The following C6orf136 variants were observed in gnomAD, a reference collection of about 807,000 sequenced individuals.
The protein encoded by C6orf136 is chromosome 6 open reading frame 136.
A neutral mutation model predicts 44.0 loss-of-function variants in C6orf136; 29 were observed. That is an observed-to-expected ratio of 0.66 (90% CI 0.49 to 0.90). The LOEUF is 0.90. Among genes scored for constraint, C6orf136 ranks in the 40% least tolerant of loss-of-function variants. C6orf136 has a pLI of 0.00. For missense variants in C6orf136, 628 were observed against 669.3 expected (o/e 0.94, Z 0.68); for synonymous variants, 293 against 278.6 (o/e 1.05, Z -0.52).
chr6:30,650,911 CAA>C (rs367794901), intron 2 of C6orf136, 81 bp from the exon 3 acceptor site: 2,985 of 909,628 alleles, frequency 3.3e-3, no homozygotes, highest in Non-Finnish European at 3.6e-3. Context: ...GACTCCGTCT[CAA>C]AAAAAAAAAA....
Position 30,651,374 on chromosome 6 carries a change from C to T in C6orf136, c.1215C>T (p.Asn405=). 3 of 1,613,892 alleles carry T rather than the reference C, an allele frequency of 1.9e-6. No individual in the cohort carries two copies. Among genetic ancestry groups the T allele is most frequent in the South Asian group, 1.1e-5 (1 of 91,082 alleles). ...EVLQLTRHPE[N]WTLQARWRLV... is the part of the protein sequence containing the mutation. ...TACAGCTGACCCGCCACCCTGAGAA[C>T]TGGACCCTGCAAGCCCGGTGGCGGC... The change falls in exon 4 of 6, where the codon AAC becomes AAT. Residue 405 remains asparagine, a synonymous_variant. Transcript: ENST00000651131.
intron 1 of C6orf136, among the ~76,000 whole-genome samples, chr6:30,648,286 A>G (rs955327485): frequency 1.3e-5 from 2 of 152,196 alleles, no homozygotes; most frequent in African/African-American, 4.8e-5. Context: ...GGAGATGTAC[A>G]GGCCACAGCA....
chr6:30,650,656 GCCTGTAATC>G (rs1436960108), intron 2 of C6orf136, among the ~76,000 whole-genome samples: 6 of 152,092 alleles, frequency 3.9e-5, no homozygotes, highest in Non-Finnish European at 8.8e-5. Context: ...GGTGGTGGGT[GCCTGTAATC>G]CCAGCTACTC....
chr6:30,652,786 AC>A lies in C6orf136; in HGVS notation c.1378-14del. On this transcript the variant is annotated splice_polypyrimidine_tract_variant and intron_variant, in intron 5 of 5. Coordinates refer to ENST00000651131, the MANE Select transcript of C6orf136 (RefSeq NM_001161376.2). The stretch of plus-strand genomic sequence containing the variant: ...TGTGTGCCTCCCCCAACTGGCATTA[AC>A]CTTTCTCCCTGCAGCTGATGCCTTC... The A allele has an allele frequency of 6.2e-7, 1 of 1,612,582 alleles. No individual in the cohort carries two copies. Among genetic ancestry groups the A allele is most frequent in the Non-Finnish European group, 8.5e-7 (1 of 1,179,658 alleles).
Position 30,649,903 on chromosome 6 carries a change from G to A in C6orf136, c.961G>A (p.Gly321Arg), listed in dbSNP as rs139688069. 78 of 1,613,960 alleles carry A rather than the reference G, an allele frequency of 4.8e-5. No homozygotes were observed. In the African/African-American group the frequency reaches 9.5e-4, roughly 20 times the overall value. The change falls in exon 2 of 6, where the codon GGA becomes AGA. Residue 321 changes from glycine to arginine, a missense_variant. Around this residue, in one of 2 missense-constraint regions of C6orf136, gnomAD observed 497 missense variants for 469.2 expected, o/e 1.06. Coordinates refer to ENST00000651131, the MANE Select transcript of C6orf136 (RefSeq NM_001161376.2). ...CCACCCTTCCCCTGCCACCCCGTCAGGAGATCCTAGTATGGAGGAACATCT... is the reference window on the plus strand; with the variant it reads ...CCACCCTTCCCCTGCCACCCCGTCAAGAGATCCTAGTATGGAGGAACATCT... Reference protein sequence around the residue: ...TAHPSPATPSGDPSMEEHLSV... With the variant: ...TAHPSPATPSRDPSMEEHLSV...
chr6:30,647,487 C>G lies in C6orf136; in HGVS notation c.256C>G (p.Arg86Gly). Residue 86 changes from arginine to glycine, a missense_variant, in exon 1 of 6, where the codon CGG becomes GGG. This residue lies in a region of C6orf136 where 497 missense variants were observed against 469.2 expected (regional missense o/e 1.06). Coordinates refer to ENST00000651131, the MANE Select transcript of C6orf136 (RefSeq NM_001161376.2). This position sits in a 1 kb window ranked among gnomAD's most constrained non-coding sequence, Gnocchi z 4.8. ...CGCGGGAGCGGGAGGGAGGCGCTGC[C>G]GGGCCTGTCGCGCAAGGACGTCGGT... is the stretch of plus-strand genomic sequence containing the variant. ...GVAGAGGRRC[R>G]ACRARTSVLP... The G allele has an allele frequency of 6.7e-7, 1 of 1,490,996 alleles. No homozygotes were observed. The highest frequency in any genetic ancestry group is 9.0e-7 in the Non-Finnish European group (1 of 1,113,860). 92.4% of individuals were successfully genotyped at this position (1,490,996 alleles called of 1,614,324 possible).
Position 30,652,700 on chromosome 6 carries a change from C to T in C6orf136, c.1360C>T (p.Arg454Cys), listed in dbSNP as rs773409864. The change falls in exon 5 of 6, where the codon CGC (arginine) becomes TGC (cysteine). Residue 454 changes from arginine to cysteine, a missense_variant. Physicochemically the swap from Arg to Cys is radical, Grantham distance 180 (BLOSUM62 -3). Transcript: ENST00000651131. The part of the protein sequence containing the change: ...FYLNSSGLIC[R>C]HRLDKLMPSH... Reference sequence around the variant, plus strand: ...CCTGAATTCCAGTGGCCTCATTTGTCGCCATCGTCTAGATAAAGTGAGTCC... The same window carrying T: ...CCTGAATTCCAGTGGCCTCATTTGTTGCCATCGTCTAGATAAAGTGAGTCC... 10 of 1,612,888 alleles carry T rather than the reference C, an allele frequency of 6.2e-6. No homozygotes were observed. The highest frequency in any genetic ancestry group is 1.3e-5 in the African/African-American group (1 of 74,894).
intron 2 of C6orf136, among the ~76,000 whole-genome samples, chr6:30,650,309 G>A (rs192261512): frequency 2.9e-4 from 44 of 150,894 alleles, no homozygotes; most frequent in African/African-American, 9.5e-4. Flanking sequence ...CAGGAGAATC[G>A]CTTGAACCCA....
Position 30,647,144 on chromosome 6 carries a change from T to A in C6orf136, c.-88T>A. On this transcript the variant is annotated 5_prime_UTR_variant, in exon 1 of 6. Coordinates refer to ENST00000651131, the MANE Select transcript of C6orf136 (RefSeq NM_001161376.2). The surrounding 1 kb of genome is among the most constrained non-coding windows in gnomAD (Gnocchi z 4.8). The stretch of plus-strand genomic sequence containing the variant: ...CCCCCCGCCCCGGCCTCCTTTCCCC[T>A]TCACGAAGCCGGCTCTGGGGCGCGC... The A allele has an allele frequency of 8.8e-6, 6 of 679,708 alleles. No individual in the cohort carries two copies. The highest frequency in any genetic ancestry group is 1.0e-5 in the Non-Finnish European group (5 of 486,622). 42.1% of individuals were successfully genotyped at this position (679,708 alleles called of 1,614,324 possible).
At chr6:30,648,879 G>T (rs934660400) in intron 1 of C6orf136, among the ~76,000 whole-genome samples, 1 of 151,702 alleles carries the variant, frequency 6.6e-6, no homozygotes, top group African/African-American at 2.4e-5. Flanking sequence ...GTGGTGAAGG[G>T]TGCCTGTAAT....
chr6:30,647,342 G>T lies in C6orf136; in HGVS notation c.111G>T (p.Gly37=). The T allele has an allele frequency of 6.4e-7, 1 of 1,560,092 alleles. No individual in the cohort carries two copies. Among genetic ancestry groups the T allele is most frequent in the Admixed American group, 2.0e-5 (1 of 51,130 alleles). The change falls in exon 1 of 6, where the codon GGG becomes GGT. Residue 37 remains glycine (G), a synonymous_variant. Transcript: ENST00000651131. The surrounding 1 kb of genome is among the most constrained non-coding windows in gnomAD (Gnocchi z 4.8). Reference sequence around the variant, plus strand: ...AAGAGGGAGGGAGGAGAGGGGGCGGGGAGAGACCCTCCTCAAAGCCGGTGC... The same window carrying T: ...AAGAGGGAGGGAGGAGAGGGGGCGGTGAGAGACCCTCCTCAAAGCCGGTGC... ...GGEEGGRRGG[G]ERPSSKPVRG... is the part of the protein sequence containing the mutation.
Position 30,652,201 on chromosome 6 carries a change from TTACTGGACTCCAGC to T in C6orf136, c.1308-446_1308-433del, listed in dbSNP as rs376948773. 9.5e-3 allele frequency among the ~76,000 whole-genome samples: 1,439 copies of T among 150,750 alleles called. 8 individuals carry two copies. The highest frequency in any genetic ancestry group is 0.027 in the Middle Eastern group (8 of 294). ...GAGGTTGCAGTGAGCCGTGATCACA[TTACTGGACTCCAGC>T]CTGGGTGACAGAGTGAAACCCTGTC... On this transcript the variant is annotated intron_variant, in intron 4 of 5. Coordinates refer to ENST00000651131, the MANE Select transcript of C6orf136 (RefSeq NM_001161376.2).
rs1232027966 is a variant in C6orf136 at position 30,649,588 on chromosome 6, C to A, written c.646C>A (p.Pro216Thr). 1 of 1,589,342 alleles carries A rather than the reference C, an allele frequency of 6.3e-7. No individual in the cohort carries two copies. Among genetic ancestry groups the A allele is most frequent in the South Asian group, 1.2e-5 (1 of 86,758 alleles). Residue 216 changes from proline to threonine, a missense_variant, in exon 2 of 6, where the codon CCA becomes ACA. Pro to Thr is a conservative substitution (Grantham distance 38). Coordinates refer to ENST00000651131, the MANE Select transcript of C6orf136 (RefSeq NM_001161376.2). ...GCTTTATCCAGGGACTCTACCATTCCCACCCCTTTGGCCCCACTCCACGAC... is the reference window on the plus strand; with the variant it reads ...GCTTTATCCAGGGACTCTACCATTCACACCCCTTTGGCCCCACTCCACGAC... ...DQLYPGTLPF[P>T]PLWPHSTTTT...
Position 30,647,704 on chromosome 6 carries a change from A to T in C6orf136, c.473A>T (p.Gln158Leu). The change falls in exon 1 of 6, where the codon CAG becomes CTG. Residue 158 changes from glutamine (Q) to leucine (L), a missense_variant. By Grantham distance (113) the Gln-to-Leu change is moderately radical (BLOSUM62 -2). This residue lies in a region of C6orf136 where 497 missense variants were observed against 469.2 expected (regional missense o/e 1.06). Coordinates refer to ENST00000651131, the MANE Select transcript of C6orf136 (RefSeq NM_001161376.2). The surrounding 1 kb of genome is among the most constrained non-coding windows in gnomAD (Gnocchi z 4.8). ...ACCAGACCCGCGGGGCGCCCTCAGC[A>T]GCCCGCCCGTCTTGCACTCGGAGAG... Reference protein sequence around the residue: ...AQTRPAGRPQQPARLALGERS... With the variant: ...AQTRPAGRPQLPARLALGERS... 1.3e-6 allele frequency: 2 copies of T among 1,550,100 alleles called. No homozygotes were observed. Among genetic ancestry groups the T allele is most frequent in the Non-Finnish European group, 1.7e-6 (2 of 1,146,708 alleles).
Position 30,647,912 on chromosome 6 carries a change from G to GT in C6orf136, c.615+66_615+67insT. ...TCCCCTGGGGGGTTCCTTGGGAGCG[G>GT]AGGGACTCGGGTGAGGCCTAACTTT... On this transcript the variant is annotated intron_variant, in intron 1 of 5. Transcript: ENST00000651131. The surrounding 1 kb of genome is among the most constrained non-coding windows in gnomAD (Gnocchi z 4.8). 7.0e-7 allele frequency: 1 copy of GT among 1,424,576 alleles called. No individual in the cohort carries two copies. Among genetic ancestry groups the GT allele is most frequent in the Admixed American group, 2.9e-5 (1 of 34,966 alleles). The allele number at this position is 1,424,576 out of a possible 1,614,324, so 88.2% of individuals were successfully genotyped here.
intron 3 of C6orf136, 47 bp downstream of exon 3, chr6:30,651,129 A>G (rs9262135): frequency 0.1 from 164,594 of 1,573,060 alleles, 11,321 homozygotes; most frequent in Non-Finnish European, 0.13. Context: ...AAAGCACCCA[A>G]AGGTATATAC....
rs369559946 is a variant in C6orf136 at position 30,647,181 on chromosome 6, A to T, written c.-51A>T. 1.3e-4 allele frequency: 175 copies of T among 1,302,650 alleles called. 4 individuals are homozygous for T. The South Asian group carries it at 1.4e-3, about 10-fold the overall frequency. 80.7% of individuals were successfully genotyped at this position (1,302,650 alleles called of 1,614,324 possible). On this transcript the variant is annotated 5_prime_UTR_variant, in exon 1 of 6. Transcript: ENST00000651131. The surrounding 1 kb of genome is among the most constrained non-coding windows in gnomAD (Gnocchi z 4.8). ...GCTCTGGGGCGCGCTCACCCCTGTG[A>T]GGAGGCCGGAGGTCGGACTCAGGAG...
intron 5 of C6orf136, 29 bp from the exon 6 acceptor site, chr6:30,652,773 C>T (rs555269458): frequency 4.3e-6 from 7 of 1,612,170 alleles, no homozygotes; most frequent in East Asian, 4.5e-5. Context: ...TGTGCCTCCC[C>T]CAACTGGCAT....
chr6:30,649,949 TGAGAC>T lies in C6orf136; in HGVS notation c.1008_1012del (p.Gln338AlafsTer23). 1 of 1,613,162 alleles carries T rather than the reference TGAGAC, an allele frequency of 6.2e-7. No individual in the cohort carries two copies. The highest frequency in any genetic ancestry group is 8.5e-7 in the Non-Finnish European group (1 of 1,179,840). On this transcript the variant is annotated frameshift_variant, in exon 2 of 6. Coordinates refer to ENST00000651131, the MANE Select transcript of C6orf136 (RefSeq NM_001161376.2). LOFTEE classifies it high-confidence loss of function. Reference sequence around the variant, plus strand: ...CATCTGTCTGTCATGTATGAGAGACTGAGACAAGAGGTAAGTCAGTGCAAAAGTGG... The same window carrying T: ...CATCTGTCTGTCATGTATGAGAGACTAAGAGGTAAGTCAGTGCAAAAGTGG...
Sources: allele counts gnomAD v4.1 joint callset (sites outside exome capture counted in the v4.1 genomes callset), GRCh38; gene constraint gnomAD v4.1.1; regional missense constraint gnomAD v4.1.1; non-coding constraint Gnocchi (gnomAD v3.1); transcripts MANE v1.5; gene names NCBI Gene and HGNC (gene_info 2026-07-23, HGNC 2026-07-21).